The following EIF2B5 variants were observed in gnomAD, a reference collection of about 807,000 sequenced individuals.
EIF2B5 encodes translation initiation factor eIF2B subunit epsilon.
In EIF2B5, 38 loss-of-function variants were observed where a neutral mutation model predicts 87.3. The observed-to-expected ratio is 0.44, with a 90% CI of 0.34 to 0.57. EIF2B5 has a LOEUF of 0.57. Ranked by LOEUF, EIF2B5 falls within the 20% of genes least tolerant of loss-of-function variation. The pLI, the probability that EIF2B5 is intolerant of heterozygous loss-of-function variation, is 0.02. For missense variants in EIF2B5, 784 were observed against 909.5 expected, an observed-to-expected ratio of 0.86 and a Z score of 1.78; for synonymous variants, 313 against 339.6, an observed-to-expected ratio of 0.92 and a Z score of 0.86.
In EIF2B5 at chr3:184,140,650, A is replaced by C; in HGVS notation, c.1076A>C (p.Asn359Thr). 3 of 1,614,104 alleles carry C rather than the reference A, an allele frequency of 1.9e-6. No individual in the cohort carries two copies. Among genetic ancestry groups the C allele is most frequent in the Non-Finnish European group, 2.5e-6 (3 of 1,180,010 alleles). Residue 359 changes from asparagine to threonine, a missense_variant, in exon 7 of 16, where the codon AAT (asparagine) becomes ACT (threonine). Physicochemically the swap from Asn to Thr is moderately conservative, Grantham distance 65. Coordinates refer to ENST00000648915, the MANE Select transcript of EIF2B5 (RefSeq NM_003907.3). ...GGCCATGGCAGCATCCTAGAGGAAA[A>C]TGTGCTCCTGGGCTCTGGCACTGTC... is the stretch of plus-strand genomic sequence containing the variant. ...SLGHGSILEE[N>T]VLLGSGTVIG...
Position 184,142,595 on chromosome 3 carries a change from A to G in EIF2B5, c.1538A>G (p.Asn513Ser), listed in dbSNP as rs1322891461. 6.2e-7 allele frequency: 1 copy of G among 1,613,730 alleles called. No individual in the cohort carries two copies. The highest frequency in any genetic ancestry group is 8.5e-7 in the Non-Finnish European group (1 of 1,179,810). ...NMEEEEELQQ[N>S]LWGLKINMEE... is the part of the protein sequence containing the mutation. ...GAGGAAGAGGAGGAACTGCAGCAGA[A>G]TCTGTGGGGTGAGCTAGGCCTGATG... The change falls in exon 10 of 16, where the codon AAT becomes AGT. Residue 513 changes from asparagine (N) to serine (S), a missense_variant. By Grantham distance (46) the Asn-to-Ser change is conservative. Around this residue, in one of 3 missense-constraint regions of EIF2B5, gnomAD observed 660 missense variants for 789.5 expected, o/e 0.84. Coordinates refer to ENST00000648915, the MANE Select transcript of EIF2B5 (RefSeq NM_003907.3). The surrounding 1 kb of genome is among the most constrained non-coding windows in gnomAD (Gnocchi z 5.0).
Position 184,144,698 on chromosome 3 carries a change from G to A in EIF2B5, c.2097G>A (p.Lys699=), listed in dbSNP as rs757194352. Residue 699 remains lysine, a synonymous_variant, in exon 15 of 16, where the codon AAG becomes AAA. Coordinates refer to ENST00000648915, the MANE Select transcript of EIF2B5 (RefSeq NM_003907.3). The part of the protein sequence containing the change: ...DTTDKGQQLR[K]NQQLQRFIQW... ...CTGACAAGGGCCAGCAGTTGCGCAA[G>A]AATCAACAGGTGCGTCAGGCTGTCC... 4.3e-6 allele frequency: 7 copies of A among 1,613,638 alleles called. No homozygotes were observed. Among genetic ancestry groups the A allele is most frequent in the Non-Finnish European group, 5.1e-6 (6 of 1,179,860 alleles).
intron 3 of EIF2B5, 21 bp downstream of exon 3, chr3:184,137,826 G>A (rs369277332): frequency 3.1e-5 from 50 of 1,614,074 alleles, no homozygotes; most frequent in Non-Finnish European, 4.1e-5. Context: ...GAAAATGACA[G>A]GAACAAGGGT....
chr3:184,137,032 A>G (rs997125417), intron 2 of EIF2B5: 14 of 413,142 alleles, frequency 3.4e-5, no homozygotes, highest in Non-Finnish European at 2.7e-5. Context: ...TATGGAAGTT[A>G]CAATGATAAC....
At position 184,137,977 on chromosome 3, in the gene EIF2B5, TG is replaced by T; in HGVS notation, c.587del (p.Cys196SerfsTer7). 6.2e-7 allele frequency: 1 copy of T among 1,614,230 alleles called. No individual in the cohort carries two copies. The highest frequency in any genetic ancestry group is 8.5e-7 in the Non-Finnish European group (1 of 1,180,048). ...GTCATCCCCCAGCCACCCAACTCGTTGCCACGAAGACAATGTGGTAGTGGCT... is the reference window on the plus strand; with the variant it reads ...GTCATCCCCCAGCCACCCAACTCGTTCCACGAAGACAATGTGGTAGTGGCT... ...KESSPSHPTR[C>X]HEDNVVVAVD... On this transcript the variant is annotated frameshift_variant, in exon 4 of 16. Coordinates refer to ENST00000648915, the MANE Select transcript of EIF2B5 (RefSeq NM_003907.3). LOFTEE classifies it high-confidence loss of function.
Position 184,142,275 on chromosome 3 carries a change from G to A in EIF2B5, c.1341G>A (p.Ser447=), listed in dbSNP as rs138857267. ...VGPNITLPEG[S]VISLHPPDAE... ...CAAATATCACGCTGCCTGAGGGCTC[G>A]GTGATCTCTTTGCACCCTCCAGATG... Residue 447 remains serine (S), a synonymous_variant, in exon 9 of 16, where the codon TCG becomes TCA. Coordinates refer to ENST00000648915, the MANE Select transcript of EIF2B5 (RefSeq NM_003907.3). This position sits in a 1 kb window ranked among gnomAD's most constrained non-coding sequence, Gnocchi z 5.0. 12,182 of 1,614,030 alleles carry A rather than the reference G, an allele frequency of 7.5e-3. 83 individuals are homozygous for A. Among genetic ancestry groups the A allele is most frequent in the Non-Finnish European group, 8.1e-3 (9,587 of 1,180,020 alleles).
At chr3:184,144,766 C>G in intron 15 of EIF2B5, 59 bp downstream of exon 15, 1 of 1,586,518 alleles carries the variant, frequency 6.3e-7, no homozygotes, top group East Asian at 2.3e-5. Context: ...GTCCTGGCCC[C>G]TAGACTCTAG....
chr3:184,143,182 G>T, intron 12 of EIF2B5, 40 bp downstream of exon 12: 1 of 1,600,172 alleles, frequency 6.2e-7, no homozygotes, highest in South Asian at 1.1e-5. Flanking sequence ...GGGTGATCCC[G>T]GGAAGGTAGA....
At position 184,142,058 on chromosome 3, in the gene EIF2B5, C is replaced by G; in HGVS notation, c.1290C>G (p.Val430=). Residue 430 remains valine (V), a synonymous_variant, in exon 8 of 16, where the codon GTC becomes GTG. Transcript: ENST00000648915. The surrounding 1 kb of genome is among the most constrained non-coding windows in gnomAD (Gnocchi z 5.0). ...KERVTLKPRS[V]LTSQVVVGPN... ...GAGTGACACTGAAACCACGCTCTGT[C>G]CTCACTTCCCAGGTGAGACCTGATC... is the stretch of plus-strand genomic sequence containing the variant. 1 of 1,614,160 alleles carries G rather than the reference C, an allele frequency of 6.2e-7. No homozygotes were observed.
At chr3:184,140,234 C>G (rs771014451) in intron 6 of EIF2B5, 77 bp downstream of exon 6, 4 of 1,509,750 alleles carry the variant, frequency 2.6e-6, no homozygotes, top group African/African-American at 1.4e-5. Flanking sequence ...AACTTTTGAT[C>G]TTTTTTGTAT....
intron 7 of EIF2B5, 149 bp from the exon 8 acceptor site, chr3:184,141,776 G>T: frequency 1.1e-6 from 1 of 911,936 alleles, no homozygotes; most frequent in South Asian, 1.4e-5. Flanking sequence ...GGGCTTAGGG[G>T]GTGAGTGGGT....
At position 184,142,934 on chromosome 3, in the gene EIF2B5, G is replaced by T. The variant is rs770544046; in HGVS notation, c.1654+48G>T. 1 of 1,583,130 alleles carries T rather than the reference G, an allele frequency of 6.3e-7. No individual in the cohort carries two copies. The highest frequency in any genetic ancestry group is 1.8e-5 in the Admixed American group (1 of 56,846). Reference sequence around the variant, plus strand: ...GCTGGACCAGTTTATTCTCTGCCTGGATCAACTAGCCAGAGGCTTACGTTC... The same window carrying T: ...GCTGGACCAGTTTATTCTCTGCCTGTATCAACTAGCCAGAGGCTTACGTTC... On this transcript the variant is annotated intron_variant, in intron 11 of 15. Coordinates refer to ENST00000648915, the MANE Select transcript of EIF2B5 (RefSeq NM_003907.3). The surrounding 1 kb of genome is among the most constrained non-coding windows in gnomAD (Gnocchi z 5.0).
chr3:184,141,119 A>G (rs1392955296), intron 7 of EIF2B5, among the ~76,000 whole-genome samples: 1 of 152,242 alleles, frequency 6.6e-6, no homozygotes, highest in African/African-American at 2.4e-5. Context: ...GTCATTGGTA[A>G]TAATGGTGGG....
intron 15 of EIF2B5, 35 bp from the exon 16 acceptor site, chr3:184,144,849 C>T: frequency 3.7e-6 from 6 of 1,610,806 alleles, no homozygotes; most frequent in Non-Finnish European, 5.1e-6. Context: ...TTATGTGCAC[C>T]TCCCCCAGCC....
chr3:184,137,242 G>GC, intron 2 of EIF2B5: 1 of 374,616 alleles, frequency 2.7e-6, no homozygotes, highest in South Asian at 2.3e-5. Flanking sequence ...TAGGACATTA[G>GC]CATGGTCTCC....
chr3:184,140,859 C>A (rs1297399340), intron 7 of EIF2B5, 129 bp downstream of exon 7: 1 of 1,101,978 alleles, frequency 9.1e-7, no homozygotes, highest in East Asian at 2.5e-5. Flanking sequence ...AGAGCGGCTA[C>A]CTCAGGAAAG....
In EIF2B5 at chr3:184,137,753, T is replaced by G. The variant is rs1259157083; in HGVS notation, c.454T>G (p.Tyr152Asp). 6.2e-7 allele frequency: 1 copy of G among 1,614,150 alleles called. No individual in the cohort carries two copies. The highest frequency in any genetic ancestry group is 1.7e-5 in the Admixed American group (1 of 60,018). Residue 152 changes from tyrosine to aspartate, a missense_variant, in exon 3 of 16, where the codon TAT becomes GAT. Tyr to Asp is a radical substitution (Grantham distance 160). Coordinates refer to ENST00000648915, the MANE Select transcript of EIF2B5 (RefSeq NM_003907.3). The stretch of plus-strand genomic sequence containing the variant: ...GGTGCGCTCTGACTTTCTTCTGGTG[T>G]ATGGGGATGTCATCTCAAACATCAA... The part of the protein sequence containing the change: ...ALVRSDFLLV[Y>D]GDVISNINIT...
chr3:184,144,356 A>G, intron 14 of EIF2B5, 132 bp downstream of exon 14: 1 of 1,447,448 alleles, frequency 6.9e-7, no homozygotes, highest in Non-Finnish European at 9.6e-7. Context: ...GCTTATTGCT[A>G]GAATAGTACA....
In EIF2B5 at chr3:184,142,740, C is replaced by G; in HGVS notation, c.1547-39C>G. ...CAGGTATATTGCTCTCTGTCAATGA[C>G]TCTTTTTTTCTTTTTCCTCACCCAT... On this transcript the variant is annotated intron_variant, in intron 10 of 15. Transcript: ENST00000648915. This position sits in a 1 kb window ranked among gnomAD's most constrained non-coding sequence, Gnocchi z 5.0. 5.0e-6 allele frequency: 8 copies of G among 1,594,672 alleles called. No individual in the cohort carries two copies. Among genetic ancestry groups the G allele is most frequent in the Non-Finnish European group, 6.9e-6 (8 of 1,167,058 alleles).
Sources: allele counts gnomAD v4.1 joint callset (sites outside exome capture counted in the v4.1 genomes callset), GRCh38; gene constraint gnomAD v4.1.1; regional missense constraint gnomAD v4.1.1; non-coding constraint Gnocchi (gnomAD v3.1); transcripts MANE v1.5; gene names NCBI Gene and HGNC (gene_info 2026-07-23, HGNC 2026-07-21).